The following CUL1 variants were observed in gnomAD, a reference collection of about 807,000 sequenced individuals.
CUL1 encodes the protein cullin 1, also known as cullin-1.
CUL1 carries 24 observed loss-of-function variants against 118.0 expected under a neutral mutation model. That is an observed-to-expected ratio of 0.20 (90% CI 0.15 to 0.29). The LOEUF (loss-of-function observed/expected upper bound fraction) is 0.29, where lower values mean the gene tolerates loss of function less well. Ranked by LOEUF, CUL1 falls within the 10% of genes least tolerant of loss-of-function variation. CUL1 has a pLI of 1.00. For missense variants in CUL1, 361 were observed against 933.8 expected, an observed-to-expected ratio of 0.39 and a Z score of 7.99; for synonymous variants, 332 against 340.4, an observed-to-expected ratio of 0.98 and a Z score of 0.27.
chr7:148,725,227 A>G (rs987141833), intron 1 of CUL1, among the ~76,000 whole-genome samples: 1,849 of 148,454 alleles, frequency 0.012, 48 homozygotes, highest in African/African-American at 0.044. Flanking sequence ...GCGCTCACAC[A>G]CACACACACA....
At chr7:148,767,330 T>TG (rs1800038786) in intron 8 of CUL1, among the ~76,000 whole-genome samples, 1 of 150,346 alleles carries the variant, frequency 6.7e-6, no homozygotes. Context: ...TTCTGATAAT[T>TG]TTTTTTTTTT....
intron 1 of CUL1, among the ~76,000 whole-genome samples, chr7:148,722,527 A>C (rs1563150237): frequency 6.6e-6 from 1 of 152,306 alleles, no homozygotes; most frequent in African/African-American, 2.4e-5. Context: ...TCCAGGCTGC[A>C]GGCAGGGGTC....
chr7:148,752,904 G>A (rs1799537248), intron 2 of CUL1, among the ~76,000 whole-genome samples: 1 of 152,122 alleles, frequency 6.6e-6, no homozygotes, highest in Non-Finnish European at 1.5e-5. Flanking sequence ...CACCTGTCTC[G>A]GCCTCCCAGA....
intron 1 of CUL1, among the ~76,000 whole-genome samples, chr7:148,701,466 T>TC (rs1216643875): frequency 6.6e-6 from 1 of 152,194 alleles, no homozygotes; most frequent in African/African-American, 2.4e-5. Flanking sequence ...TTAACTTTTT[T>TC]CCCCCTTAAA....
intron 1 of CUL1, among the ~76,000 whole-genome samples, chr7:148,706,693 C>CGGGGGGGGGGGGGGAGGGGGGG (rs1797896702): frequency 1.2e-5 from 1 of 80,952 alleles, no homozygotes; most frequent in African/African-American, 4.7e-5. Flanking sequence ...CGGCGGGGGG[C>CGGGGGGGGGGGGGGAGGGGGGG]GGGGTGGGTG....
At position 148,766,154 on chromosome 7, in the gene CUL1, G is replaced by A. The variant is rs375118701; in HGVS notation, c.790-407G>A. ...TTTTTCTTTCTGTTTTTTGAGAAAC[G>A]GAGTCTTGCTCTGTTGCCCAGGCTG... On this transcript the variant is annotated intron_variant, in intron 7 of 21. Coordinates refer to ENST00000325222, the MANE Select transcript of CUL1 (RefSeq NM_003592.3). Among the ~76,000 whole-genome samples the A allele has an allele frequency of 1.1e-4, 16 of 152,176 alleles. 1 individual carries two copies. Among genetic ancestry groups the A allele is most frequent in the African/African-American group, 3.4e-4 (14 of 41,500 alleles).
At chr7:148,702,139 A>G (rs1485804535) in intron 1 of CUL1, among the ~76,000 whole-genome samples, 1 of 152,248 alleles carries the variant, frequency 6.6e-6, no homozygotes, top group African/African-American at 2.4e-5. Flanking sequence ...TGAGGACATA[A>G]TTTCCTGTTT....
chr7:148,734,036 AAAAAG>A (rs3842151), intron 2 of CUL1, among the ~76,000 whole-genome samples: 31,989 of 150,330 alleles, frequency 0.21, 3,575 homozygotes, highest in South Asian at 0.37. Flanking sequence ...AGCCAAAAAA[AAAAAG>A]AAAAGAAAAG....
At chr7:148,705,990 C>T (rs1797868243) in intron 1 of CUL1, among the ~76,000 whole-genome samples, 2 of 152,188 alleles carry the variant, frequency 1.3e-5, no homozygotes, top group South Asian at 4.1e-4. Flanking sequence ...TCTAAAACTT[C>T]CTTAGTTACC....
chr7:148,798,487 TTC>T, intron 19 of CUL1, 83 bp from the exon 20 acceptor site: 1 of 959,218 alleles, frequency 1.0e-6, no homozygotes, highest in Non-Finnish European at 1.6e-6. Flanking sequence ...AGCAGGGCAC[TTC>T]TTAAAGGTTG....
intron 9 of CUL1, among the ~76,000 whole-genome samples, chr7:148,770,684 G>T (rs1338472077): frequency 3.9e-5 from 6 of 152,142 alleles, no homozygotes; most frequent in Non-Finnish European, 2.9e-5. Flanking sequence ...GCCATCTCTG[G>T]GAAAGCCCAC....
chr7:148,742,616 T>TTTTTTTTTTTA (rs56104534), intron 2 of CUL1, among the ~76,000 whole-genome samples: 2 of 137,568 alleles, frequency 1.5e-5, no homozygotes, highest in African/African-American at 6.7e-5. Context: ...TTTTTTTTTT[T>TTTTTTTTTTTA]GAGTTGGAGT....
intron 3 of CUL1, among the ~76,000 whole-genome samples, chr7:148,755,034 T>A (rs1405466855): frequency 6.6e-6 from 1 of 152,176 alleles, no homozygotes; most frequent in African/African-American, 2.4e-5. Flanking sequence ...ATTACAGGTG[T>A]GAGCCACAGT....
chr7:148,775,021 G>A (rs1235307943), intron 9 of CUL1, among the ~76,000 whole-genome samples: 1 of 152,116 alleles, frequency 6.6e-6, no homozygotes, highest in East Asian at 1.9e-4. Context: ...GGGTAGATCC[G>A]AGTACATTAG....
chr7:148,739,121 A>G (rs577894314), intron 2 of CUL1, among the ~76,000 whole-genome samples: 3 of 152,332 alleles, frequency 2.0e-5, no homozygotes, highest in South Asian at 4.1e-4. Flanking sequence ...TTCCTTGAAC[A>G]TGGGGAATTC....
chr7:148,726,955 TG>T (rs1260185458), intron 1 of CUL1, among the ~76,000 whole-genome samples: 4 of 152,042 alleles, frequency 2.6e-5, no homozygotes, highest in Non-Finnish European at 4.4e-5. Flanking sequence ...GAGGCTGCAG[TG>T]AGCCGTGATC....
At chr7:148,721,596 AGT>A (rs1410538478) in intron 1 of CUL1, among the ~76,000 whole-genome samples, 3 of 152,202 alleles carry the variant, frequency 2.0e-5, no homozygotes, top group Non-Finnish European at 4.4e-5. Context: ...TAAGCAGATA[AGT>A]GTGTGTGGTT....
intron 7 of CUL1, 132 bp from the exon 8 acceptor site, chr7:148,766,429 A>C: frequency 1.3e-6 from 1 of 776,354 alleles, no homozygotes; most frequent in South Asian, 2.2e-5. Context: ...TATTTTCTTA[A>C]TCGCATTTTA....
intron 1 of CUL1, among the ~76,000 whole-genome samples, chr7:148,710,766 C>T (rs1798026258): frequency 6.6e-6 from 1 of 151,782 alleles, no homozygotes; most frequent in South Asian, 2.1e-4. Flanking sequence ...GGTTTTCAAG[C>T]AATTCTCCTG....
Sources: allele counts gnomAD v4.1 joint callset (sites outside exome capture counted in the v4.1 genomes callset), GRCh38; gene constraint gnomAD v4.1.1; transcripts MANE v1.5; gene names NCBI Gene and HGNC (gene_info 2026-07-23, HGNC 2026-07-21).